ZSCAN21: variants seen among roughly 807,000 people sequenced by gnomAD.
The protein encoded by ZSCAN21 is zinc finger and SCAN domain-containing protein 21.
A neutral mutation model predicts 35.6 loss-of-function variants in ZSCAN21; 26 were observed. That is an observed-to-expected ratio of 0.73 (90% CI 0.54 to 1.01). The LOEUF is 1.01. ZSCAN21 is among the 50% of genes least tolerant of loss of function. ZSCAN21 has a pLI of 0.00. For missense variants in ZSCAN21, 593 were observed against 587.1 expected (o/e 1.01, Z -0.10); for synonymous variants, 219 against 219.3 (o/e 1.00, Z 0.01).
rs756446505 is a variant in ZSCAN21, at chr7:100,057,887, C to T, written c.589C>T (p.Arg197Ter). The T allele has an allele frequency of 2.2e-5, 35 of 1,602,182 alleles. No individual in the cohort carries two copies. The highest frequency in any genetic ancestry group is 3.0e-5 in the Non-Finnish European group (35 of 1,173,800). Residue 197 changes from arginine (R) to a stop codon, truncating the protein, a stop_gained, in exon 3 of 4, where the codon CGA becomes TGA. Transcript: ENST00000292450. LOFTEE classifies it high-confidence loss of function. ...QEFAQDPRKV[R>*]DCRLSTQHEE... ...GTTCGCTCAAGATCCAAGAAAGGTC[C>T]GAGGTGAGGACCACCCATTAGACTC...
intron 1 of ZSCAN21, among the ~76,000 whole-genome samples, chr7:100,055,642 C>CT (rs1216402688): frequency 0.035 from 4,291 of 121,378 alleles, 190 homozygotes; most frequent in African/African-American, 0.11. Context: ...GTGAATTTTC[C>CT]TTTTTTTTTT....
intron 3 of ZSCAN21, among the ~76,000 whole-genome samples, chr7:100,061,922 G>A (rs1348399002): frequency 6.6e-6 from 1 of 152,226 alleles, no homozygotes; most frequent in Non-Finnish European, 1.5e-5. Context: ...GGTGGACTTT[G>A]AAGAGGTGTG....
At position 100,057,235 on chromosome 7, in the gene ZSCAN21, G is replaced by A. The variant is rs555411621; in HGVS notation, c.229G>A (p.Glu77Lys). 34 of 1,613,754 alleles carry A rather than the reference G, an allele frequency of 2.1e-5. No individual in the cohort carries two copies. Among genetic ancestry groups the A allele is most frequent in the Non-Finnish European group, 2.9e-5 (34 of 1,179,968 alleles). The change falls in exon 2 of 4, where the codon GAG (glutamate) becomes AAG (lysine). Residue 77 changes from glutamate (E) to lysine (K), a missense_variant. Coordinates refer to ENST00000292450, the MANE Select transcript of ZSCAN21 (RefSeq NM_145914.3). ...GCTCTGCTGTGAGTGGCTGAGGCCCGAGATCCACACCAAGGAGCAGATCCT... is the reference window on the plus strand; with the variant it reads ...GCTCTGCTGTGAGTGGCTGAGGCCCAAGATCCACACCAAGGAGCAGATCCT... ...RVLCCEWLRP[E>K]IHTKEQILEL...
chr7:100,053,553 T>TG (rs1791970143), intron 1 of ZSCAN21, among the ~76,000 whole-genome samples: 3 of 45,066 alleles, frequency 6.7e-5, no homozygotes, highest in African/African-American at 1.0e-4. Context: ...ATAATTTTTT[T>TG]TTTTTTTTTT....
intron 1 of ZSCAN21, among the ~76,000 whole-genome samples, chr7:100,055,799 C>A (rs977453168): frequency 1.3e-5 from 2 of 151,850 alleles, no homozygotes; most frequent in Admixed American, 6.6e-5. Flanking sequence ...GCAACCACGC[C>A]CGGCTAACTT....
intron 1 of ZSCAN21, among the ~76,000 whole-genome samples, chr7:100,050,046 C>T (rs1293452700): frequency 6.6e-6 from 1 of 152,216 alleles, no homozygotes; most frequent in Non-Finnish European, 1.5e-5. Flanking sequence ...CCTTTTCTTC[C>T]ACTTGGGGCT....
intron 3 of ZSCAN21, 53 bp downstream of exon 3, chr7:100,057,943 A>C: frequency 1.4e-6 from 2 of 1,390,742 alleles, no homozygotes; most frequent in East Asian, 5.3e-5. Flanking sequence ...CTGTGGTTGG[A>C]GAAGCAGAAT....
chr7:100,055,794 C>G (rs183365306), intron 1 of ZSCAN21, among the ~76,000 whole-genome samples: 102 of 151,992 alleles, frequency 6.7e-4, no homozygotes, highest in African/African-American at 2.3e-3. Flanking sequence ...CGCCTGCAAC[C>G]ACGCCCGGCT....
intron 1 of ZSCAN21, among the ~76,000 whole-genome samples, chr7:100,052,097 A>AT (rs1156535550): frequency 2.0e-5 from 3 of 151,802 alleles, no homozygotes; most frequent in South Asian, 2.1e-4. Context: ...CAATAAATAA[A>AT]TTTTTTTTAA....
chr7:100,062,128 T>C (rs1792324832), intron 3 of ZSCAN21, among the ~76,000 whole-genome samples: 1 of 152,158 alleles, frequency 6.6e-6, no homozygotes, highest in African/African-American at 2.4e-5. Flanking sequence ...CAGAATGCCC[T>C]CTGATTGCTT....
intron 3 of ZSCAN21, among the ~76,000 whole-genome samples, chr7:100,063,312 T>C (rs1452470067): frequency 6.6e-6 from 1 of 152,164 alleles, no homozygotes; most frequent in Non-Finnish European, 1.5e-5. Flanking sequence ...AAGTGTGGTA[T>C]GGAGGCCAGG....
At chr7:100,060,568 A>T (rs1792247206) in intron 3 of ZSCAN21, among the ~76,000 whole-genome samples, 1 of 146,800 alleles carries the variant, frequency 6.8e-6, no homozygotes, top group East Asian at 2.0e-4. Flanking sequence ...CTCAAAAAAT[A>T]AAAAAAAAAC....
intron 3 of ZSCAN21, among the ~76,000 whole-genome samples, chr7:100,062,505 G>T (rs1035868456): frequency 2.6e-5 from 4 of 151,302 alleles, no homozygotes; most frequent in Admixed American, 6.6e-5. Flanking sequence ...TGAGGCAGGA[G>T]AATCGCTTGA....
At chr7:100,051,178 CAAAAAA>C (rs369246193) in intron 1 of ZSCAN21, among the ~76,000 whole-genome samples, 671 of 41,342 alleles carry the variant, frequency 0.016, 12 homozygotes, top group African/African-American at 0.024. Flanking sequence ...AACTACGTCT[CAAAAAA>C]AAAAAAAAAA....
chr7:100,057,599 TTTCTC>T, intron 2 of ZSCAN21, 94 bp from the exon 3 acceptor site: 1 of 1,391,482 alleles, frequency 7.2e-7, no homozygotes, highest in African/African-American at 1.4e-5. Context: ...GTGTTTTCCT[TTTCTC>T]TTTCCTAGAG....
chr7:100,064,268 C>T lies in ZSCAN21; in HGVS notation c.1073C>T (p.Ala358Val), dbSNP rs761311588. Residue 358 changes from alanine (A) to valine (V), a missense_variant, in exon 4 of 4, where the codon GCG (alanine) becomes GTG (valine). Coordinates refer to ENST00000292450, the MANE Select transcript of ZSCAN21 (RefSeq NM_145914.3). The part of the protein sequence containing the change: ...LKHQRMHTEE[A>V]PYQCKDCGKA... ...CATCAGAGAATGCACACAGAAGAGG[C>T]GCCATATCAGTGCAAAGATTGTGGC... is the stretch of plus-strand genomic sequence containing the variant. 9.9e-6 allele frequency: 16 copies of T among 1,613,922 alleles called. No individual in the cohort carries two copies. Among genetic ancestry groups the T allele is most frequent in the East Asian group, 2.2e-5 (1 of 44,888 alleles).
At chr7:100,051,161 A>AGAGT (rs1158259535) in intron 1 of ZSCAN21, among the ~76,000 whole-genome samples, 21 of 123,044 alleles carry the variant, frequency 1.7e-4, no homozygotes, top group Middle Eastern at 5.2e-3. Context: ...CTGGGAAACA[A>AGAGT]GAGTGAAACT....
intron 1 of ZSCAN21, among the ~76,000 whole-genome samples, chr7:100,053,585 C>G (rs1229973454): frequency 1.7e-5 from 2 of 118,918 alleles, no homozygotes; most frequent in African/African-American, 3.2e-5. Flanking sequence ...GAGTCTTACT[C>G]TGTTACCCAG....
rs1434009864 is a variant in ZSCAN21, at chr7:100,061,044, C to T, written c.593-2744C>T. 4.6e-5 allele frequency among the ~76,000 whole-genome samples: 7 copies of T among 151,936 alleles called. No homozygotes were observed. In the East Asian group the frequency reaches 7.8e-4, roughly 17 times the overall value. ...TTGCACCACTGCACTCCAGCCTGGG[C>T]GACAGAGTGAGACCGGGTCTCAAAA... On this transcript the variant is annotated intron_variant, in intron 3 of 3. Transcript: ENST00000292450.
Sources: gnomAD v4.1 joint callset for allele counts (sites outside exome capture counted in the v4.1 genomes callset) on GRCh38, gnomAD v4.1.1 for gene constraint, MANE v1.5 for transcripts, NCBI Gene and HGNC (gene_info 2026-07-23, HGNC 2026-07-21) for gene names.